GPR35: variants seen among roughly 807,000 people sequenced by gnomAD.
GPR35 encodes KYNA receptor.
For missense variants in GPR35, 372 were observed against 422.5 expected (o/e 0.88, Z 1.05); for synonymous variants, 207 against 198.4 (o/e 1.04, Z -0.36).
chr2:240,624,562 C>G (rs1242186547), upstream of GPR35, among the ~76,000 whole-genome samples: 2 of 152,202 alleles, frequency 1.3e-5, no homozygotes, highest in African/African-American at 2.4e-5. Context: ...CCAAGCGCTT[C>G]CCTTCCCTGG....
At chr2:240,625,228 T>C, upstream of GPR35, 2 of 981,032 alleles carry the variant, frequency 2.0e-6, no homozygotes, top group South Asian at 9.4e-5. Context: ...TTGCTGTCTG[T>C]CTCTCACGCT....
chr2:240,630,580 G>A lies in GPR35; in HGVS notation c.628G>A (p.Glu210Lys), dbSNP rs1169705351. Reference protein sequence around the residue: ...QRPPTDVGQAEATRKAARMVW... With the variant: ...QRPPTDVGQAKATRKAARMVW... ...GCCACCCACCGACGTGGGGCAGGCA[G>A]AGGCCACCCGCAAGGCTGCCCGCAT... The change falls in exon 2 of 2, where the codon GAG becomes AAG. Residue 210 changes from glutamate (E) to lysine (K), a missense_variant. Physicochemically the swap from Glu to Lys is moderately conservative, Grantham distance 56. Coordinates refer to ENST00000407714, the MANE Select transcript of GPR35 (RefSeq NM_005301.5). The A allele has an allele frequency of 3.7e-6, 6 of 1,612,870 alleles. No homozygotes were observed. Among genetic ancestry groups the A allele is most frequent in the Non-Finnish European group, 3.4e-6 (4 of 1,179,948 alleles).
At chr2:240,611,455 T>C (rs148337034) in intron 2 of GPR35, among the ~76,000 whole-genome samples, 48 of 152,364 alleles carry the variant, frequency 3.2e-4, no homozygotes, top group African/African-American at 1.1e-3. Context: ...TTCACTTATC[T>C]CTTCTAGACT....
rs2043453047 is a variant in GPR35 at position 240,631,918 on chromosome 2, A to G, written c.*1036A>G. Among the ~76,000 whole-genome samples, 1 of 152,206 alleles carries G rather than the reference A, an allele frequency of 6.6e-6. No homozygotes were observed. Among genetic ancestry groups the G allele is most frequent in the Non-Finnish European group, 1.5e-5 (1 of 68,026 alleles). On this transcript the variant is annotated 3_prime_UTR_variant, in exon 2 of 2. Transcript: ENST00000407714. ...ACAGGACTGGAGAGAGATGGCAGTCATGTTCTGGCAGGGACATGGCACAAG... is the reference window on the plus strand; with the variant it reads ...ACAGGACTGGAGAGAGATGGCAGTCGTGTTCTGGCAGGGACATGGCACAAG...
chr2:240,632,382 T>G lies in GPR35; in HGVS notation c.*1500T>G, dbSNP rs2043459898. On this transcript the variant is annotated 3_prime_UTR_variant, in exon 2 of 2. Coordinates refer to ENST00000407714, the MANE Select transcript of GPR35 (RefSeq NM_005301.5). ...GAGGCTCCATGCCCAGGAGGCTCCATGTCAAGAAAGATTCATGCCTAGGAG... is the reference window on the plus strand; with the variant it reads ...GAGGCTCCATGCCCAGGAGGCTCCAGGTCAAGAAAGATTCATGCCTAGGAG... Among the ~76,000 whole-genome samples the G allele has an allele frequency of 6.6e-6, 1 of 151,662 alleles. No homozygotes were observed. The highest frequency in any genetic ancestry group is 1.5e-5 in the Non-Finnish European group (1 of 67,914).
chr2:240,622,651 T>C (rs1470718497), upstream of GPR35, among the ~76,000 whole-genome samples: 1 of 152,206 alleles, frequency 6.6e-6, no homozygotes, highest in Non-Finnish European at 1.5e-5. Flanking sequence ...CTCCCCTAGA[T>C]AGGGCTGCAG....
rs567054342 is a variant in GPR35 at position 240,632,287 on chromosome 2, C to G, written c.*1405C>G. ...AGTTTATGCCCTGGAGGGCCCCATG[C>G]CCGGGAGAGTCACGTGCACAGAGGG... On this transcript the variant is annotated 3_prime_UTR_variant, in exon 2 of 2. Transcript: ENST00000407714. Among the ~76,000 whole-genome samples, 2 of 151,040 alleles carry G rather than the reference C, an allele frequency of 1.3e-5. 1 individual carries two copies. The highest frequency in any genetic ancestry group is 4.2e-4 in the South Asian group (2 of 4,750).
At chr2:240,623,152 G>A (rs1364188929), upstream of GPR35, among the ~76,000 whole-genome samples, 11 of 152,174 alleles carry the variant, frequency 7.2e-5, no homozygotes, top group East Asian at 1.9e-4. Context: ...AGCGGTCGTC[G>A]AGCTTCACAG....
chr2:240,623,586 G>C (rs1210793186), upstream of GPR35, among the ~76,000 whole-genome samples: 1 of 151,964 alleles, frequency 6.6e-6, no homozygotes, highest in Non-Finnish European at 1.5e-5. Context: ...CGCTCTGGAG[G>C]GGCCCGGGCA....
intron 2 of GPR35, among the ~76,000 whole-genome samples, chr2:240,608,120 A>G (rs1001808574): frequency 3.3e-5 from 5 of 152,094 alleles, no homozygotes; most frequent in East Asian, 1.9e-4. Flanking sequence ...TTGAACTCCT[A>G]TCTTCAAGCG....
upstream of GPR35, chr2:240,625,391 C>T: frequency 2.0e-6 from 2 of 985,510 alleles, no homozygotes; most frequent in Non-Finnish European, 2.4e-6. Flanking sequence ...TTACCCCTGA[C>T]CTGCTGCCGT....
chr2:240,621,065 G>A (rs151268125), upstream of GPR35, among the ~76,000 whole-genome samples: 4 of 152,074 alleles, frequency 2.6e-5, no homozygotes, highest in African/African-American at 7.2e-5. Flanking sequence ...GGGAAACCTC[G>A]AGAAGAGGGA....
chr2:240,620,707 C>T (rs990637440), upstream of GPR35, among the ~76,000 whole-genome samples: 8 of 152,212 alleles, frequency 5.3e-5, no homozygotes, highest in East Asian at 1.9e-4. Context: ...GAGCACAGGG[C>T]GGGGTCTTGG....
chr2:240,607,029 G>A (rs2043141639), intron 2 of GPR35, among the ~76,000 whole-genome samples: 1 of 152,136 alleles, frequency 6.6e-6, no homozygotes, highest in African/African-American at 2.4e-5. Flanking sequence ...AGGAGAATAG[G>A]CTAGTGTTGA....
intron 1 of GPR35, among the ~76,000 whole-genome samples, 199 bp downstream of exon 1, chr2:240,625,767 T>G (rs71404657): frequency 1.2e-5 from 1 of 85,620 alleles, no homozygotes; most frequent in Non-Finnish European, 2.4e-5. Flanking sequence ...GAGGCTGTGA[T>G]GGGGGTCTCA....
rs553719886 is a variant in GPR35, at chr2:240,630,404, G to C, written c.452G>C (p.Arg151Pro). 1.2e-5 allele frequency: 20 copies of C among 1,611,738 alleles called. No individual in the cohort carries two copies. In the South Asian group the frequency reaches 2.2e-4, roughly 18 times the overall value. ...WVLVIGSLVA[R>P]WLLGIQEGGF... ...CTGGTCATCGGCTCCCTGGTGGCTC[G>C]CTGGCTCCTGGGGATTCAGGAGGGC... The change falls in exon 2 of 2, where the codon CGC (arginine) becomes CCC (proline). Residue 151 changes from arginine to proline, a missense_variant. Arg to Pro is a moderately radical substitution (Grantham distance 103, BLOSUM62 -2). Coordinates refer to ENST00000407714, the MANE Select transcript of GPR35 (RefSeq NM_005301.5).
At position 240,632,229 on chromosome 2, in the gene GPR35, G is replaced by A. The variant is rs2043457879; in HGVS notation, c.*1347G>A. 6.6e-6 allele frequency among the ~76,000 whole-genome samples: 1 copy of A among 152,042 alleles called. No homozygotes were observed. Among genetic ancestry groups the A allele is most frequent in the African/African-American group, 2.4e-5 (1 of 41,434 alleles). On this transcript the variant is annotated 3_prime_UTR_variant, in exon 2 of 2. Transcript: ENST00000407714. The stretch of plus-strand genomic sequence containing the variant: ...GTCCAGGAGGGTCCCATGCCTGGAA[G>A]GGTCCATGCTCAGGAGGGTTCATGC...
intron 1 of GPR35, among the ~76,000 whole-genome samples, chr2:240,626,234 G>C (rs1575468704): frequency 8.8e-6 from 1 of 113,892 alleles, no homozygotes; most frequent in Non-Finnish European, 1.8e-5. Context: ...GGGTGAGGCT[G>C]TGATGGGGGT....
At chr2:240,627,191 G>C (rs1329319651) in intron 1 of GPR35, among the ~76,000 whole-genome samples, 1 of 152,192 alleles carries the variant, frequency 6.6e-6, no homozygotes, top group Admixed American at 6.5e-5. Context: ...TCCACGGCCT[G>C]GACACAGATT....
Sources: allele counts gnomAD v4.1 joint callset (sites outside exome capture counted in the v4.1 genomes callset), GRCh38; gene constraint gnomAD v4.1.1; transcripts MANE v1.5; gene names NCBI Gene and HGNC (gene_info 2026-07-23, HGNC 2026-07-21).